The following FXYD2 variants were observed in gnomAD, a reference collection of about 807,000 sequenced individuals.
FXYD2 encodes the protein sodium/potassium-transporting ATPase subunit gamma.
FXYD2 carries 8 observed loss-of-function variants against 11.8 expected under a neutral mutation model. The ratio of observed to expected loss-of-function variants is 0.68; its 90% CI spans 0.40 to 1.22. FXYD2 has a LOEUF of 1.22. Ranked by LOEUF, FXYD2 falls within the 50% of genes most tolerant of loss-of-function variation. FXYD2 has a pLI of 0.01. For missense variants in FXYD2, 92 were observed against 91.8 expected, an observed-to-expected ratio of 1.00 and a Z score of -0.01; for synonymous variants, 42 against 33.3, an observed-to-expected ratio of 1.26 and a Z score of -0.90.
chr11:117,821,059 T>C lies in FXYD2; in HGVS notation c.140-164A>G, dbSNP rs7483165. 0.14 allele frequency among the ~76,000 whole-genome samples: 20,919 copies of C among 152,064 alleles called. 1,911 individuals are homozygous for C. Among genetic ancestry groups the C allele is most frequent in the Admixed American group, 0.2 (2,995 of 15,280 alleles). ...TGTCTCTATTTTATTTTATATTTTA[T>C]TTTATTTTATTTTTTGAGACGGGGT... On this transcript the variant is annotated intron_variant, in intron 3 of 5. Transcript: ENST00000292079.
rs2055928679 is a variant in FXYD2 at position 117,822,397 on chromosome 11, C to G, written c.139+9G>C. On this transcript the variant is annotated intron_variant, in intron 3 of 5. Coordinates refer to ENST00000292079, the MANE Select transcript of FXYD2 (RefSeq NM_001680.5). This position sits in a 1 kb window ranked among gnomAD's most constrained non-coding sequence, Gnocchi z 4.7. ...TCAGCACCCCTTCCCTGGAGGCCAC[C>G]CCACTTACTGAGGAGGATGAGGAGC... 1 of 1,555,088 alleles carries G rather than the reference C, an allele frequency of 6.4e-7. No homozygotes were observed. The highest frequency in any genetic ancestry group is 8.7e-7 in the Non-Finnish European group (1 of 1,148,784).
At chr11:117,827,101 TAGATAGATA>T (rs2056059380), upstream of FXYD2, among the ~76,000 whole-genome samples, 1 of 114,242 alleles carries the variant, frequency 8.8e-6, no homozygotes, top group Non-Finnish European at 1.9e-5. Flanking sequence ...GATAGATAGA[TAGATAGATA>T]GATAGATAGA....
At chr11:117,824,797 G>T, upstream of FXYD2, 1 of 1,279,600 alleles carries the variant, frequency 7.8e-7, no homozygotes, top group Non-Finnish European at 1.1e-6. This position sits in a 1 kb window ranked among gnomAD's most constrained non-coding sequence, Gnocchi z 4.0. Flanking sequence ...AACATTAACA[G>T]TGCCAGGTAA....
In FXYD2 at chr11:117,824,329, T is replaced by A. The variant is rs1423783145; in HGVS notation, c.25+325A>T. The A allele has an allele frequency of 4.2e-6, 2 of 475,620 alleles. No individual in the cohort carries two copies. Among genetic ancestry groups the A allele is most frequent in the Non-Finnish European group, 7.7e-6 (2 of 260,696 alleles). The allele number at this position is 475,620 out of a possible 1,614,324, so 29.5% of individuals were successfully genotyped here. A position where few individuals can be genotyped will look rare whatever the true frequency, so the allele number is the denominator to read the frequency against. On this transcript the variant is annotated intron_variant, in intron 1 of 5. Coordinates refer to ENST00000292079, the MANE Select transcript of FXYD2 (RefSeq NM_001680.5). The surrounding 1 kb of genome is among the most constrained non-coding windows in gnomAD (Gnocchi z 4.0). Reference sequence around the variant, plus strand: ...CCCAGCCAGATGGACGCCGTCTGCCTCCCGCCCAAGTTCAGACGGTCTAGC... The same window carrying A: ...CCCAGCCAGATGGACGCCGTCTGCCACCCGCCCAAGTTCAGACGGTCTAGC...
At chr11:117,820,532 G>T (rs2055873069) in intron 5 of FXYD2, 134 bp downstream of exon 5, 5 of 1,133,986 alleles carry the variant, frequency 4.4e-6, no homozygotes, top group African/African-American at 1.5e-5. Flanking sequence ...CACACGATGG[G>T]TGACAGACCA....
chr11:117,824,853 T>C, upstream of FXYD2: 2 of 808,698 alleles, frequency 2.5e-6, no homozygotes, highest in East Asian at 2.7e-5. This position sits in a 1 kb window ranked among gnomAD's most constrained non-coding sequence, Gnocchi z 4.0. Context: ...ATGGAGGGGC[T>C]CCTTCTGCAG....
upstream of FXYD2, among the ~76,000 whole-genome samples, chr11:117,827,031 G>A (rs1280793642): frequency 6.6e-6 from 1 of 151,838 alleles, no homozygotes; most frequent in Non-Finnish European, 1.5e-5. Flanking sequence ...ACTGCGGGGG[G>A]GAGGAGGTGC....
chr11:117,826,479 C>T (rs12291777), upstream of FXYD2, among the ~76,000 whole-genome samples: 210 of 152,148 alleles, frequency 1.4e-3, no homozygotes, highest in Non-Finnish European at 2.5e-3. Flanking sequence ...AGCCCCTGGA[C>T]GTGGCCAGGG....
upstream of FXYD2, chr11:117,827,852 T>G: frequency 1.4e-6 from 1 of 716,192 alleles, no homozygotes; most frequent in Non-Finnish European, 2.6e-6. Context: ...CGTATGGAGA[T>G]GCTCTTTTTT....
At position 117,822,316 on chromosome 11, in the gene FXYD2, T is replaced by C; in HGVS notation, c.139+90A>G. 6.5e-7 allele frequency: 1 copy of C among 1,548,168 alleles called. No individual in the cohort carries two copies. Among genetic ancestry groups the C allele is most frequent in the Non-Finnish European group, 8.7e-7 (1 of 1,146,512 alleles). ...CGTGGTGGGGAGGCTCACCCCTCCC[T>C]TGGCAACTCCCGAAAGCCAGCCTGC... On this transcript the variant is annotated intron_variant, in intron 3 of 5. Transcript: ENST00000292079. The surrounding 1 kb of genome is among the most constrained non-coding windows in gnomAD (Gnocchi z 4.7).
At chr11:117,821,336 C>T in intron 3 of FXYD2, 1 of 988,410 alleles carries the variant, frequency 1.0e-6, no homozygotes, top group Non-Finnish European at 1.2e-6. Flanking sequence ...GCCGGCATTA[C>T]AGGCATGAGC....
At chr11:117,827,036 A>G (rs2056054632), upstream of FXYD2, among the ~76,000 whole-genome samples, 1 of 151,790 alleles carries the variant, frequency 6.6e-6, no homozygotes, top group African/African-American at 2.4e-5. Context: ...GGGGGGGAGG[A>G]GGTGCATGGG....
chr11:117,822,323 C>T lies in FXYD2; in HGVS notation c.139+83G>A, dbSNP rs1448424264. ...GGGAGGCTCACCCCTCCCTTGGCAACTCCCGAAAGCCAGCCTGCTCAGCGG... is the reference window on the plus strand; with the variant it reads ...GGGAGGCTCACCCCTCCCTTGGCAATTCCCGAAAGCCAGCCTGCTCAGCGG... On this transcript the variant is annotated intron_variant, in intron 3 of 5. Coordinates refer to ENST00000292079, the MANE Select transcript of FXYD2 (RefSeq NM_001680.5). This position sits in a 1 kb window ranked among gnomAD's most constrained non-coding sequence, Gnocchi z 4.7. The T allele has an allele frequency of 1.9e-6, 3 of 1,548,580 alleles. No individual in the cohort carries two copies. Among genetic ancestry groups the T allele is most frequent in the Non-Finnish European group, 8.7e-7 (1 of 1,146,612 alleles).
chr11:117,826,028 C>A (rs182320155), upstream of FXYD2, among the ~76,000 whole-genome samples: 1 of 152,126 alleles, frequency 6.6e-6, no homozygotes, highest in Non-Finnish European at 1.5e-5. Flanking sequence ...GTAAAATGGG[C>A]GCAGTACCCA....
At chr11:117,826,707 C>G (rs980521514), upstream of FXYD2, among the ~76,000 whole-genome samples, 1 of 152,056 alleles carries the variant, frequency 6.6e-6, no homozygotes, top group Non-Finnish European at 1.5e-5. Context: ...TGGAGTCTTT[C>G]GGGAATAATA....
At chr11:117,827,403 C>G (rs1374301231), upstream of FXYD2, among the ~76,000 whole-genome samples, 1 of 152,296 alleles carries the variant, frequency 6.6e-6, no homozygotes, top group African/African-American at 2.4e-5. Flanking sequence ...GCATGTGCCA[C>G]CAAGCCTGGC....
upstream of FXYD2, among the ~76,000 whole-genome samples, chr11:117,826,822 A>ATCTATCTG (rs751194466): frequency 3.2e-4 from 45 of 138,720 alleles, 1 homozygote; most frequent in South Asian, 8.5e-3. Context: ...CTATCTATCT[A>ATCTATCTG]TCTGTCTATC....
rs1429213435 is a variant in FXYD2 at position 117,822,291 on chromosome 11, C to T, written c.139+115G>A. On this transcript the variant is annotated intron_variant, in intron 3 of 5. Transcript: ENST00000292079. This position sits in a 1 kb window ranked among gnomAD's most constrained non-coding sequence, Gnocchi z 4.7. ...CATTCCCACATCCTGCAGTGGGGGG[C>T]GTGGTGGGGAGGCTCACCCCTCCCT... 2 of 1,543,492 alleles carry T rather than the reference C, an allele frequency of 1.3e-6. No homozygotes were observed. Among genetic ancestry groups the T allele is most frequent in the South Asian group, 2.4e-5 (2 of 83,696 alleles).
At chr11:117,826,501 C>CCAGAAAAAACGAGGG (rs536619382), upstream of FXYD2, among the ~76,000 whole-genome samples, 76 of 152,186 alleles carry the variant, frequency 5.0e-4, no homozygotes, top group African/African-American at 1.8e-3. Flanking sequence ...ACTGGGTACA[C>CCAGAAAAAACGAGGG]CAGAAAAAAC....
Sources: allele counts gnomAD v4.1 joint callset (sites outside exome capture counted in the v4.1 genomes callset), GRCh38; gene constraint gnomAD v4.1.1; non-coding constraint Gnocchi (gnomAD v3.1); transcripts MANE v1.5; gene names NCBI Gene and HGNC (gene_info 2026-07-23, HGNC 2026-07-21).